Variants in ANKS1A observed in about 807,000 individuals in gnomAD.
The protein encoded by ANKS1A is ankyrin repeat and sterile alpha motif domain containing 1A, also known as ankyrin repeat and SAM domain-containing protein 1A.
In ANKS1A, 55 loss-of-function variants were observed where a neutral mutation model predicts 120.3. The observed-to-expected ratio is 0.46, with a 90% CI of 0.37 to 0.57. The LOEUF (loss-of-function observed/expected upper bound fraction) is 0.57. Among genes scored for constraint, ANKS1A ranks in the 20% least tolerant of loss-of-function variants. ANKS1A has a pLI of 0.00. For synonymous variants in ANKS1A, 590 were observed against 604.7 expected, an observed-to-expected ratio of 0.98 and a Z score of 0.36; for missense variants, 1,123 against 1,480.3, an observed-to-expected ratio of 0.76 and a Z score of 3.96.
At chr6:35,024,135 A>T (rs1439163058) in intron 11 of ANKS1A, among the ~76,000 whole-genome samples, 3 of 152,158 alleles carry the variant, frequency 2.0e-5, no homozygotes, top group Non-Finnish European at 2.9e-5. Context: ...TCCCTTCATC[A>T]AGCTGGCAGT....
At chr6:35,087,975 A>C (rs35095464) in intron 23 of ANKS1A, among the ~76,000 whole-genome samples, 27,460 of 152,280 alleles carry the variant, frequency 0.18, 3,098 homozygotes, top group African/African-American at 0.29. Flanking sequence ...ACCAACGAGG[A>C]GGCGGCCTGT....
chr6:34,980,916 T>C (rs1221275003), intron 3 of ANKS1A, among the ~76,000 whole-genome samples: 2 of 152,230 alleles, frequency 1.3e-5, no homozygotes, highest in Admixed American at 1.3e-4. Context: ...TTGATAGCAA[T>C]ATTACATTTG....
chr6:34,938,684 A>C (rs1769378566), intron 1 of ANKS1A, among the ~76,000 whole-genome samples: 1 of 146,022 alleles, frequency 6.8e-6, no homozygotes, highest in African/African-American at 2.7e-5. Flanking sequence ...AGTTTGAAAG[A>C]GTCTTATAAA....
intron 1 of ANKS1A, among the ~76,000 whole-genome samples, chr6:34,956,327 T>C (rs1457683920): frequency 6.6e-6 from 1 of 152,012 alleles, no homozygotes; most frequent in Non-Finnish European, 1.5e-5. Context: ...TTGTCTCATA[T>C]CTTTGAGTCA....
chr6:35,083,005 G>T, intron 18 of ANKS1A, 150 bp from the exon 19 acceptor site: 1 of 1,255,986 alleles, frequency 8.0e-7, no homozygotes, highest in South Asian at 1.5e-5. Flanking sequence ...CTAGGGAGTT[G>T]AATGGAGGGT....
chr6:34,954,170 A>G (rs970317480), intron 1 of ANKS1A, among the ~76,000 whole-genome samples: 1 of 152,180 alleles, frequency 6.6e-6, no homozygotes, highest in Non-Finnish European at 1.5e-5. Context: ...TATTGGAATG[A>G]CAATTTCACA....
At chr6:34,993,603 T>A (rs1772689349) in intron 9 of ANKS1A, among the ~76,000 whole-genome samples, 1 of 152,232 alleles carries the variant, frequency 6.6e-6, no homozygotes, top group Admixed American at 6.5e-5. Context: ...TTTGGGGATA[T>A]CCTTCCCAAT....
rs757831011 is a variant in ANKS1A, at chr6:35,078,659, G to A, written c.2283+3G>A. On this transcript the variant is annotated splice_donor_region_variant and intron_variant, in intron 14 of 23. Transcript: ENST00000360359. ...AGGCGGCACGCTCCCTACCCAAGGTGACCATCGCCGGCCCTGTAGCCTCAG... is the reference window on the plus strand; with the variant it reads ...AGGCGGCACGCTCCCTACCCAAGGTAACCATCGCCGGCCCTGTAGCCTCAG... 6.2e-7 allele frequency: 1 copy of A among 1,600,754 alleles called. No homozygotes were observed. Among genetic ancestry groups the A allele is most frequent in the East Asian group, 2.2e-5 (1 of 44,872 alleles).
At position 35,083,454 on chromosome 6, in the gene ANKS1A, T is replaced by C. The variant is rs868624122; in HGVS notation, c.2945T>C (p.Ile982Thr). ...TEHMKKIPTI[I>T]LSITYKGVKF... ...CACATGAAGAAGATCCCCACCATCA[T>C]CCTGTCCATCACATACAAAGGTGTC... The change falls in exon 20 of 24, where the codon ATC becomes ACC. Residue 982 changes from isoleucine to threonine, a missense_variant. Physicochemically the swap from Ile to Thr is moderately conservative, Grantham distance 89 (BLOSUM62 -1). Around this residue, in one of 3 missense-constraint regions of ANKS1A, gnomAD observed 904 missense variants for 1,130.4 expected, o/e 0.80. Coordinates refer to ENST00000360359, the MANE Select transcript of ANKS1A (RefSeq NM_015245.3). 2 of 1,613,998 alleles carry C rather than the reference T, an allele frequency of 1.2e-6. No individual in the cohort carries two copies. The highest frequency in any genetic ancestry group is 1.7e-6 in the Non-Finnish European group (2 of 1,179,960).
At chr6:35,072,283 T>C (rs1358956446) in intron 13 of ANKS1A, among the ~76,000 whole-genome samples, 1 of 152,184 alleles carries the variant, frequency 6.6e-6, no homozygotes, top group East Asian at 1.9e-4. Flanking sequence ...GGCCGACCCT[T>C]GTCATGCTCC....
intron 11 of ANKS1A, among the ~76,000 whole-genome samples, chr6:35,048,605 A>G (rs183303027): frequency 2.2e-4 from 34 of 152,248 alleles, no homozygotes; most frequent in African/African-American, 8.2e-4. Flanking sequence ...AGGAAAAAAA[A>G]TCACCCAGAC....
At chr6:35,054,318 C>G (rs1279796012) in intron 12 of ANKS1A, among the ~76,000 whole-genome samples, 153 bp downstream of exon 12, 2 of 152,170 alleles carry the variant, frequency 1.3e-5, no homozygotes, top group Non-Finnish European at 2.9e-5. Flanking sequence ...TCTCCAATAC[C>G]TAGACAGCCC....
intron 10 of ANKS1A, among the ~76,000 whole-genome samples, chr6:35,007,164 G>A (rs537396195): frequency 7.8e-4 from 119 of 152,290 alleles, no homozygotes; most frequent in African/African-American, 2.4e-3. Context: ...ACTGGTTAAG[G>A]TGGGGTTGCT....
chr6:34,960,632 A>T (rs1392994226), intron 1 of ANKS1A, among the ~76,000 whole-genome samples: 1 of 152,196 alleles, frequency 6.6e-6, no homozygotes, highest in African/African-American at 2.4e-5. Flanking sequence ...TTCAAAAGCC[A>T]CAGGGCCTCA....
At position 35,090,940 on chromosome 6, in the gene ANKS1A, C is replaced by A; in HGVS notation, c.*2331C>A. 1.0e-6 allele frequency: 1 copy of A among 985,728 alleles called. No homozygotes were observed. The highest frequency in any genetic ancestry group is 1.2e-6 in the Non-Finnish European group (1 of 829,976). The allele number at this position is 985,728 out of a possible 1,614,324, so 61.1% of individuals were successfully genotyped here. A position where few individuals can be genotyped will look rare whatever the true frequency, so the allele number is the denominator to read the frequency against. Reference sequence around the variant, plus strand: ...TGCGTGTGCAGCTCTCTGCGTCCCTCCTGGGCCCTCCAGCGTCAGACACTA... The same window carrying A: ...TGCGTGTGCAGCTCTCTGCGTCCCTACTGGGCCCTCCAGCGTCAGACACTA... On this transcript the variant is annotated 3_prime_UTR_variant, in exon 24 of 24. Transcript: ENST00000360359.
At chr6:34,955,751 C>T (rs536291770) in intron 1 of ANKS1A, among the ~76,000 whole-genome samples, 30 of 152,282 alleles carry the variant, frequency 2.0e-4, no homozygotes, top group Non-Finnish European at 1.3e-4. Context: ...TGAGACCCTG[C>T]ATGTCTAAAA....
chr6:35,059,370 C>A (rs1183292917), intron 12 of ANKS1A, among the ~76,000 whole-genome samples: 1 of 152,268 alleles, frequency 6.6e-6, no homozygotes, highest in Non-Finnish European at 1.5e-5. Flanking sequence ...CCCCGAGCCC[C>A]GGCCCATGTG....
At chr6:34,983,907 T>A (rs1772046975) in intron 7 of ANKS1A, among the ~76,000 whole-genome samples, 1 of 151,754 alleles carries the variant, frequency 6.6e-6, no homozygotes, top group Non-Finnish European at 1.5e-5. Flanking sequence ...TTCTCCTGCC[T>A]CAGCCTCCCA....
In ANKS1A at chr6:34,983,164, T is replaced by C; in HGVS notation, c.860T>C (p.Val287Ala). 1 of 1,614,220 alleles carries C rather than the reference T, an allele frequency of 6.2e-7. No individual in the cohort carries two copies. The highest frequency in any genetic ancestry group is 8.5e-7 in the Non-Finnish European group (1 of 1,180,038). ...DNHGLTALDTVRELPSQKSQQ... is the reference protein window; with the variant it reads ...DNHGLTALDTARELPSQKSQQ... ...CATGGACTGACTGCCCTAGACACTG[T>C]TCGGGAACTGCCTTCTCAAAAGAGC... Residue 287 changes from valine (V) to alanine (A), a missense_variant, in exon 6 of 24, where the codon GTT (valine) becomes GCT (alanine). Physicochemically the swap from Val to Ala is moderately conservative, Grantham distance 64. Transcript: ENST00000360359.
Sources: gnomAD v4.1 joint callset for allele counts (sites outside exome capture counted in the v4.1 genomes callset) on GRCh38, gnomAD v4.1.1 for gene constraint, gnomAD v4.1.1 regional missense constraint, MANE v1.5 for transcripts, NCBI Gene and HGNC (gene_info 2026-07-23, HGNC 2026-07-21) for gene names.